The following TSC22D1 variants were observed in gnomAD, a reference collection of about 807,000 sequenced individuals.
TSC22D1 encodes TSC22 domain family protein 1.
A neutral mutation model predicts 74.2 loss-of-function variants in TSC22D1; 9 were observed. The ratio of observed to expected loss-of-function variants is 0.12; its 90% CI spans 0.07 to 0.21. The LOEUF (loss-of-function observed/expected upper bound fraction) is 0.21. Ranked by LOEUF, TSC22D1 falls within the 10% of genes least tolerant of loss-of-function variation. The probability of loss-of-function intolerance (pLI) is 1.00; values close to 1 mark genes in which losing one functional copy is unlikely to be tolerated. For missense variants in TSC22D1, 1,427 were observed against 1,304.7 expected, an observed-to-expected ratio of 1.09 and a Z score of -1.44; for synonymous variants, 586 against 492.5, an observed-to-expected ratio of 1.19 and a Z score of -2.51.
At chr13:44,485,358 GT>G (rs1399636408) in intron 1 of TSC22D1, among the ~76,000 whole-genome samples, 1 of 152,044 alleles carries the variant, frequency 6.6e-6, no homozygotes, top group East Asian at 1.9e-4. Flanking sequence ...TATATGGAAA[GT>G]TCTTTTAGTC....
chr13:44,546,564 C>G (rs966421679), intron 1 of TSC22D1, among the ~76,000 whole-genome samples: 3 of 152,044 alleles, frequency 2.0e-5, no homozygotes, highest in Admixed American at 6.5e-5. Context: ...ATATGACAAC[C>G]AAGTACAATA....
chr13:44,551,391 T>TGGGTGGGTGG (rs775177585), intron 1 of TSC22D1, among the ~76,000 whole-genome samples: 34 of 51,488 alleles, frequency 6.6e-4, no homozygotes, highest in African/African-American at 3.5e-3. Flanking sequence ...ATCAGATGGG[T>TGGGTGGGTGG]GTGTGTGTGT....
chr13:44,435,655 G>C (rs1278364485), intron 2 of TSC22D1: 1 of 264,290 alleles, frequency 3.8e-6, no homozygotes, highest in Non-Finnish European at 7.3e-6. Context: ...CGACTTCTGG[G>C]GCCCTCCCCA....
chr13:44,511,617 A>AAT (rs1879719433), intron 1 of TSC22D1, among the ~76,000 whole-genome samples: 2 of 95,144 alleles, frequency 2.1e-5, no homozygotes, highest in African/African-American at 6.9e-5. Context: ...AATAAAAAGA[A>AAT]ATACACACAC....
intron 1 of TSC22D1, among the ~76,000 whole-genome samples, chr13:44,448,320 C>T (rs534845568): frequency 2.6e-5 from 4 of 152,188 alleles, no homozygotes; most frequent in East Asian, 1.9e-4. Context: ...AAGAAAACAA[C>T]GATAAGCAGT....
chr13:44,535,621 A>AAAACAAAC (rs142334696), intron 1 of TSC22D1, among the ~76,000 whole-genome samples: 8 of 151,334 alleles, frequency 5.3e-5, no homozygotes, highest in African/African-American at 1.5e-4. Flanking sequence ...GAAGCTACAA[A>AAAACAAAC]AAACAAACAA....
rs1595071055 is a variant in TSC22D1 at position 44,433,878 on chromosome 13, C to G, written c.*748G>C. The G allele has an allele frequency of 2.7e-6, 3 of 1,128,872 alleles. No individual in the cohort carries two copies. In the East Asian group the frequency reaches 8.7e-5, roughly 33 times the overall value. The allele number at this position is 1,128,872 out of a possible 1,614,324, so 69.9% of individuals were successfully genotyped here. On this transcript the variant is annotated 3_prime_UTR_variant, in exon 3 of 3. Transcript: ENST00000458659. The stretch of plus-strand genomic sequence containing the variant: ...TAGATCTATATATAAAAGTCCACAC[C>G]TCCTCAGACAGCCAATGAAACAACT...
At chr13:44,560,583 A>G (rs1344886463) in intron 1 of TSC22D1, among the ~76,000 whole-genome samples, 3 of 152,220 alleles carry the variant, frequency 2.0e-5, no homozygotes. Context: ...GTCTTAGAGA[A>G]TAACCTTGCT....
intron 1 of TSC22D1, among the ~76,000 whole-genome samples, chr13:44,487,200 TA>T (rs1003134570): frequency 6.6e-6 from 1 of 151,702 alleles, no homozygotes; most frequent in African/African-American, 2.4e-5. Context: ...AAAGCATAGT[TA>T]AAAAAAGAAA....
At chr13:44,512,127 A>ATC (rs1283624373) in intron 1 of TSC22D1, among the ~76,000 whole-genome samples, 1 of 152,124 alleles carries the variant, frequency 6.6e-6, no homozygotes, top group African/African-American at 2.4e-5. Flanking sequence ...CCCACTGGCC[A>ATC]TCTCTACTTG....
At chr13:44,576,806 G>A (rs902782819), upstream of TSC22D1, among the ~76,000 whole-genome samples, 4 of 151,476 alleles carry the variant, frequency 2.6e-5, no homozygotes, top group African/African-American at 9.7e-5. Context: ...GCGCAGAGAC[G>A]CCGGGTCCTC....
At chr13:44,564,019 G>GT (rs1042586811) in intron 1 of TSC22D1, among the ~76,000 whole-genome samples, 1 of 152,050 alleles carries the variant, frequency 6.6e-6, no homozygotes, top group Non-Finnish European at 1.5e-5. Context: ...CTAAGCATTG[G>GT]TTTTTTTGGC....
At chr13:44,447,887 G>A (rs1875817856) in intron 1 of TSC22D1, among the ~76,000 whole-genome samples, 1 of 137,162 alleles carries the variant, frequency 7.3e-6, no homozygotes, top group South Asian at 2.3e-4. Context: ...AGGAACTACT[G>A]CAATGGGAGA....
chr13:44,504,550 G>T (rs4942335), intron 1 of TSC22D1, among the ~76,000 whole-genome samples: 67,743 of 149,072 alleles, frequency 0.45, 15,836 homozygotes, highest in Non-Finnish European at 0.52. Context: ...GTTGCAGTGA[G>T]CAGTGATCGT....
intron 1 of TSC22D1, among the ~76,000 whole-genome samples, chr13:44,515,283 G>A (rs1017343958): frequency 6.6e-6 from 1 of 151,644 alleles, no homozygotes; most frequent in Non-Finnish European, 1.5e-5. Context: ...GTATATCCAT[G>A]AGACACAATC....
rs1415417852 is a variant in TSC22D1, at chr13:44,573,504, T to C, written c.2571A>G (p.Ile857Met). Reference protein sequence around the residue: ...APTNLVPPQNIAQTPATQNGN... With the variant: ...APTNLVPPQNMAQTPATQNGN... ...CATTTTGGGTAGCAGGGGTTTGTGC[T>C]ATATTTTGTGGTGGAACCAAGTTTG... The change falls in exon 1 of 3, where the codon ATA (isoleucine) becomes ATG (methionine). Residue 857 changes from isoleucine to methionine, a missense_variant. Coordinates refer to ENST00000458659, the MANE Select transcript of TSC22D1 (RefSeq NM_183422.4). The C allele has an allele frequency of 2.5e-6, 4 of 1,614,126 alleles. No individual in the cohort carries two copies. The African/African-American group carries it at 4.0e-5, about 16-fold the overall frequency.
intron 1 of TSC22D1, among the ~76,000 whole-genome samples, chr13:44,444,314 GAAAAGA>G (rs553081186): frequency 0.018 from 1,560 of 89,078 alleles, 23 homozygotes; most frequent in African/African-American, 0.057. Context: ...AAAAAGAAAA[GAAAAGA>G]AAAAGAAAAA....
intron 1 of TSC22D1, among the ~76,000 whole-genome samples, chr13:44,492,002 C>G (rs1878749423): frequency 6.6e-6 from 1 of 152,124 alleles, no homozygotes; most frequent in Non-Finnish European, 1.5e-5. Context: ...TTCATCTTCA[C>G]AAAACATAAA....
chr13:44,451,128 C>A (rs1235627500), intron 1 of TSC22D1, among the ~76,000 whole-genome samples: 3 of 152,154 alleles, frequency 2.0e-5, no homozygotes, highest in Admixed American at 1.3e-4. Flanking sequence ...CCCTAAGGTG[C>A]CAGCAAAGAG....
Sources: gnomAD v4.1 joint callset for allele counts (sites outside exome capture counted in the v4.1 genomes callset) on GRCh38, gnomAD v4.1.1 for gene constraint, MANE v1.5 for transcripts, NCBI Gene and HGNC (gene_info 2026-07-23, HGNC 2026-07-21) for gene names.